LIMCH1: variants seen among roughly 807,000 people sequenced by gnomAD.
LIMCH1 encodes the protein LIM and calponin homology domains 1.
A neutral mutation model predicts 176.5 loss-of-function variants in LIMCH1; 113 were observed. That is an observed-to-expected ratio of 0.64 (90% CI 0.55 to 0.75). The LOEUF is 0.75. Among genes scored for constraint, LIMCH1 ranks in the 30% least tolerant of loss-of-function variants. The pLI, the probability that LIMCH1 is intolerant of heterozygous loss-of-function variation, is 0.00. For synonymous variants in LIMCH1, 619 were observed against 645.9 expected (o/e 0.96, Z 0.63); for missense variants, 1,674 against 1,814.9 (o/e 0.92, Z 1.41).
intron 2 of LIMCH1, among the ~76,000 whole-genome samples, chr4:41,514,983 AGT>A (rs1475398147): frequency 1.3e-5 from 2 of 152,124 alleles, no homozygotes; most frequent in African/African-American, 2.4e-5. Flanking sequence ...CGGCTTCTTG[AGT>A]GTGTCTGGGC....
At chr4:41,463,766 A>G (rs1356661669) in intron 1 of LIMCH1, among the ~76,000 whole-genome samples, 2 of 151,968 alleles carry the variant, frequency 1.3e-5, no homozygotes, top group South Asian at 2.1e-4. Context: ...TTTAGTAGAC[A>G]TGGGGTTTCA....
chr4:41,573,345 A>G (rs2083865212), intron 1 of LIMCH1, among the ~76,000 whole-genome samples: 1 of 152,246 alleles, frequency 6.6e-6, no homozygotes, highest in Admixed American at 6.5e-5. Context: ...ATAAAAATTA[A>G]AAAATATATA....
chr4:41,389,158 T>G (rs1193648608), intron 1 of LIMCH1: 1 of 152,482 alleles, frequency 6.6e-6, no homozygotes, highest in Non-Finnish European at 1.5e-5. Flanking sequence ...GTCGTATATC[T>G]GAGGTGAACC....
At chr4:41,521,029 G>A (rs1054185114) in intron 2 of LIMCH1, among the ~76,000 whole-genome samples, 18 of 152,066 alleles carry the variant, frequency 1.2e-4, no homozygotes, top group African/African-American at 2.2e-4. Context: ...GTGGAACTTG[G>A]ATCCTATGTG....
At chr4:41,612,573 G>A in intron 4 of LIMCH1, 1 of 702,598 alleles carries the variant, frequency 1.4e-6, no homozygotes, top group Non-Finnish European at 2.6e-6. Flanking sequence ...TAAGACACTG[G>A]CGGGAACAAG....
At chr4:41,374,351 T>A (rs2054411747) in intron 1 of LIMCH1, among the ~76,000 whole-genome samples, 2 of 152,112 alleles carry the variant, frequency 1.3e-5, no homozygotes, top group African/African-American at 4.8e-5. Context: ...AGTGATTGTA[T>A]AGAAAGAGTG....
chr4:41,361,679 T>C (rs915410095), intron 1 of LIMCH1, among the ~76,000 whole-genome samples: 1 of 152,214 alleles, frequency 6.6e-6, no homozygotes, highest in Non-Finnish European at 1.5e-5. Context: ...GGGAAATCAC[T>C]GGAGCTCTCG....
chr4:41,379,879 A>G (rs1429453951), intron 1 of LIMCH1, among the ~76,000 whole-genome samples: 1 of 152,020 alleles, frequency 6.6e-6, no homozygotes, highest in Non-Finnish European at 1.5e-5. Context: ...GCTCACTGCA[A>G]CCTCCATCTC....
chr4:41,409,123 C>G (rs548154748), intron 1 of LIMCH1, among the ~76,000 whole-genome samples: 33 of 152,284 alleles, frequency 2.2e-4, no homozygotes, highest in African/African-American at 7.5e-4. Context: ...AGCTGAGGAA[C>G]TTAACTTGAA....
chr4:41,435,131 T>A (rs2061950837), intron 1 of LIMCH1, among the ~76,000 whole-genome samples: 1 of 152,144 alleles, frequency 6.6e-6, no homozygotes, highest in Non-Finnish European at 1.5e-5. Flanking sequence ...AAAGTCCTCA[T>A]AAGAGGGGGA....
chr4:41,451,363 T>G (rs1248323097), intron 1 of LIMCH1, among the ~76,000 whole-genome samples: 2 of 151,924 alleles, frequency 1.3e-5, no homozygotes, highest in African/African-American at 2.4e-5. Flanking sequence ...TGACCTCAGG[T>G]AATCTGCCTG....
intron 2 of LIMCH1, among the ~76,000 whole-genome samples, chr4:41,497,805 C>CAAAA (rs58720797): frequency 0.16 from 21,729 of 140,074 alleles, 1,772 homozygotes; most frequent in South Asian, 0.27. Context: ...AACTTCGTCT[C>CAAAA]AAAAAAAAAA....
chr4:41,550,171 A>G (rs1221607116), intron 1 of LIMCH1, among the ~76,000 whole-genome samples: 2 of 151,612 alleles, frequency 1.3e-5, no homozygotes, highest in African/African-American at 4.8e-5. Flanking sequence ...TGCTATTTAA[A>G]AACTGATTAT....
Position 41,666,593 on chromosome 4 carries a change from A to G in LIMCH1, c.3324A>G (p.Ala1108=), listed in dbSNP as rs772373977. ...VVKPKSPEPE[A]TLTFPFLDKM... ...AGCCAAAATCTCCAGAACCCGAAGCAACGCTGACATTTCCATTTCTGGACA... is the reference window on the plus strand; with the variant it reads ...AGCCAAAATCTCCAGAACCCGAAGCGACGCTGACATTTCCATTTCTGGACA... The change falls in exon 21 of 32, where the codon GCA becomes GCG. Residue 1108 remains alanine (A), a synonymous_variant. Coordinates refer to ENST00000503057, the MANE Select transcript of LIMCH1 (RefSeq NM_001330672.2). The G allele has an allele frequency of 6.2e-7, 1 of 1,614,030 alleles. No homozygotes were observed. The highest frequency in any genetic ancestry group is 8.5e-7 in the Non-Finnish European group (1 of 1,179,904).
At chr4:41,388,728 C>T (rs907281062) in intron 1 of LIMCH1, among the ~76,000 whole-genome samples, 1 of 152,148 alleles carries the variant, frequency 6.6e-6, no homozygotes, top group African/African-American at 2.4e-5. Context: ...CTGCAACCTC[C>T]GCCTCCCGGG....
chr4:41,625,704 A>G (rs1470120750), intron 7 of LIMCH1, among the ~76,000 whole-genome samples: 1 of 152,166 alleles, frequency 6.6e-6, no homozygotes, highest in Non-Finnish European at 1.5e-5. Context: ...CATTTAGCCT[A>G]AAAATAAACA....
At chr4:41,405,600 T>C (rs925460352) in intron 1 of LIMCH1, among the ~76,000 whole-genome samples, 2 of 152,156 alleles carry the variant, frequency 1.3e-5, no homozygotes, top group Non-Finnish European at 2.9e-5. Context: ...TATTTATCTT[T>C]GTAGTCCATT....
rs2092401064 is a variant in LIMCH1 at position 41,619,499 on chromosome 4, C to T, written c.458+59C>T. The T allele has an allele frequency of 3.8e-6, 6 of 1,590,656 alleles. No individual in the cohort carries two copies. In the Admixed American group the frequency reaches 1.0e-4, roughly 27 times the overall value. On this transcript the variant is annotated intron_variant, in intron 6 of 31. Coordinates refer to ENST00000503057, the MANE Select transcript of LIMCH1 (RefSeq NM_001330672.2). ...TTGGGCATGAGTGGTTTGGGAACTG[C>T]AGCTCCTGGACAGGAACGAGGTTAA...
At chr4:41,360,685 C>A, upstream of LIMCH1, 1 of 377,468 alleles carries the variant, frequency 2.6e-6, no homozygotes. This position sits in a 1 kb window ranked among gnomAD's most constrained non-coding sequence, Gnocchi z 4.5. Flanking sequence ...CGTCCTCTAG[C>A]AGCGCGCGGC....
Sources: gnomAD v4.1 joint callset for allele counts (sites outside exome capture counted in the v4.1 genomes callset) on GRCh38, gnomAD v4.1.1 for gene constraint, Gnocchi (gnomAD v3.1) non-coding constraint, MANE v1.5 for transcripts, NCBI Gene and HGNC (gene_info 2026-07-23, HGNC 2026-07-21) for gene names.